WFDC10B: variants seen among roughly 807,000 people sequenced by gnomAD.
The protein encoded by WFDC10B is protein WFDC10B.
WFDC10B carries 1 observed loss-of-function variant against 2.7 expected under a neutral mutation model. The ratio of observed to expected loss-of-function variants is 0.38; its 90% CI spans 0.13 to 1.79. The LOEUF is 1.79. WFDC10B is among the 40% of genes most tolerant of loss of function. The probability of loss-of-function intolerance (pLI) is 0.33; values close to 1 mark genes in which losing one functional copy is unlikely to be tolerated. For missense variants in WFDC10B, 71 were observed against 87.8 expected (o/e 0.81, Z 0.76); for synonymous variants, 26 against 32.2 (o/e 0.81, Z 0.65).
chr20:45,698,792 C>A (rs1222090530), intron 2 of WFDC10B, among the ~76,000 whole-genome samples: 1 of 151,834 alleles, frequency 6.6e-6, no homozygotes, highest in East Asian at 1.9e-4. Context: ...CATGGTGAAA[C>A]CCTGTCTCTA....
At chr20:45,688,576 A>C in intron 2 of WFDC10B, among the ~76,000 whole-genome samples, 1 of 151,994 alleles carries the variant, frequency 6.6e-6, no homozygotes, top group Non-Finnish European at 1.5e-5. Context: ...TTTGATTTGC[A>C]TTTCTCTGAT....
rs774335880 is a variant in WFDC10B at position 45,684,953 on chromosome 20, C to T, written c.99G>A (p.Lys33=). 1.2e-6 allele frequency: 2 copies of T among 1,613,782 alleles called. No homozygotes were observed. Among genetic ancestry groups the T allele is most frequent in the East Asian group, 2.2e-5 (1 of 44,856 alleles). The change falls in exon 4 of 4, where the codon AAG becomes AAA. Residue 33 remains lysine (K), a synonymous_variant. Coordinates refer to ENST00000330523, the MANE Select transcript of WFDC10B (RefSeq NM_172006.2). ...CTATGCTGGGTCGCTTCTCACAGACCTTGATTCCTGAAATGATGCAGGAGC... is the reference window on the plus strand; with the variant it reads ...CTATGCTGGGTCGCTTCTCACAGACTTTGATTCCTGAAATGATGCAGGAGC... The part of the protein sequence containing the change: ...YRDKMRMQRI[K]VCEKRPSIDL...
chr20:45,686,125 G>A, intron 2 of WFDC10B, 69 bp from the exon 3 acceptor site: 1 of 1,475,868 alleles, frequency 6.8e-7, no homozygotes, highest in Admixed American at 2.2e-5. Context: ...GGACAAGTCA[G>A]GGCAGAGCAA....
intron 2 of WFDC10B, among the ~76,000 whole-genome samples, chr20:45,691,883 T>C (rs1285107912): frequency 1.3e-5 from 2 of 152,178 alleles, no homozygotes; most frequent in African/African-American, 4.8e-5. Flanking sequence ...GTCATTATGA[T>C]GTTAGCTGGT....
Position 45,704,543 on chromosome 20 carries a change from C to T in WFDC10B, c.-111G>A. On this transcript the variant is annotated 5_prime_UTR_variant, in exon 2 of 4. Coordinates refer to ENST00000330523, the MANE Select transcript of WFDC10B (RefSeq NM_172006.2). Reference sequence around the variant, plus strand: ...TGCGAGAAAGGATTTCAGTGCTGTTCCTCCTTCTGTGGGATAGTCTGTTCA... The same window carrying T: ...TGCGAGAAAGGATTTCAGTGCTGTTTCTCCTTCTGTGGGATAGTCTGTTCA... The T allele has an allele frequency of 1.9e-6, 3 of 1,614,182 alleles. No homozygotes were observed. The highest frequency in any genetic ancestry group is 1.7e-5 in the Admixed American group (1 of 60,024).
chr20:45,693,922 G>A lies in WFDC10B; in HGVS notation c.-64-7866C>T, dbSNP rs186410817. Reference sequence around the variant, plus strand: ...GCAGAAATCACCCGTCCTCTTCATCGCTCACGCTAGGAGCTGTAGAACGGA... The same window carrying A: ...GCAGAAATCACCCGTCCTCTTCATCACTCACGCTAGGAGCTGTAGAACGGA... On this transcript the variant is annotated intron_variant, in intron 2 of 3. Transcript: ENST00000330523. Among the ~76,000 whole-genome samples, 49 of 152,258 alleles carry A rather than the reference G, an allele frequency of 3.2e-4. 2 individuals are homozygous for A. The East Asian group carries it at 4.5e-3, about 14-fold the overall frequency.
At chr20:45,698,108 T>G (rs1311275966) in intron 2 of WFDC10B, among the ~76,000 whole-genome samples, 1 of 152,196 alleles carries the variant, frequency 6.6e-6, no homozygotes, top group Non-Finnish European at 1.5e-5. Context: ...TGCCTTTTCA[T>G]TGTTGTACTT....
At chr20:45,693,819 C>T (rs969436525) in intron 2 of WFDC10B, among the ~76,000 whole-genome samples, 8 of 152,240 alleles carry the variant, frequency 5.3e-5, no homozygotes, top group South Asian at 4.1e-4. Flanking sequence ...GGCTTGCGCA[C>T]GGTGCGCTGC....
intron 2 of WFDC10B, 46 bp downstream of exon 2, chr20:45,704,451 C>T: frequency 6.2e-7 from 1 of 1,613,352 alleles, no homozygotes; most frequent in Non-Finnish European, 8.5e-7. Context: ...CAGAGTATAT[C>T]TTGGAACCTC....
intron 2 of WFDC10B, among the ~76,000 whole-genome samples, chr20:45,688,954 T>C (rs1384822202): frequency 2.0e-5 from 3 of 151,960 alleles, no homozygotes; most frequent in Non-Finnish European, 2.9e-5. Flanking sequence ...GGTTTTCTTC[T>C]AGGGTTTTTA....
chr20:45,686,024 G>A lies in WFDC10B; in HGVS notation c.-32C>T, dbSNP rs752053239. The A allele has an allele frequency of 6.2e-7, 1 of 1,609,450 alleles. No individual in the cohort carries two copies. Among genetic ancestry groups the A allele is most frequent in the Non-Finnish European group, 8.5e-7 (1 of 1,177,762 alleles). On this transcript the variant is annotated 5_prime_UTR_variant, in exon 3 of 4. Coordinates refer to ENST00000330523, the MANE Select transcript of WFDC10B (RefSeq NM_172006.2). ...GACCAGAGCGTGAGCCCTAAGTCTG[G>A]CCAGGCAGTCACAGACTTCCCTGCA...
chr20:45,691,269 T>C (rs1023700343), intron 2 of WFDC10B, among the ~76,000 whole-genome samples: 4 of 152,180 alleles, frequency 2.6e-5, no homozygotes, highest in African/African-American at 7.2e-5. Flanking sequence ...TGTGGTCAAT[T>C]TTGGAATAGG....
rs77291501 is a variant in WFDC10B, at chr20:45,696,475, T to G, written c.-65+8022A>C. Among the ~76,000 whole-genome samples the G allele has an allele frequency of 5.5e-3, 835 of 152,022 alleles. 5 individuals are homozygous for G. Among genetic ancestry groups the G allele is most frequent in the African/African-American group, 0.019 (801 of 41,458 alleles). ...TCAACAAGACCAAAGCTTGGTTTTT[T>G]TAAAAGATCAATAAAATTGAAAATC... On this transcript the variant is annotated intron_variant, in intron 2 of 3. Coordinates refer to ENST00000330523, the MANE Select transcript of WFDC10B (RefSeq NM_172006.2).
intron 2 of WFDC10B, among the ~76,000 whole-genome samples, chr20:45,701,625 G>A (rs1231738171): frequency 6.6e-6 from 1 of 151,930 alleles, no homozygotes; most frequent in African/African-American, 2.4e-5. Flanking sequence ...AGCTGGACAT[G>A]GTGGTACACG....
chr20:45,697,989 C>T (rs1984031987), intron 2 of WFDC10B, among the ~76,000 whole-genome samples: 1 of 151,990 alleles, frequency 6.6e-6, no homozygotes, highest in Non-Finnish European at 1.5e-5. Flanking sequence ...GGTGATCCAC[C>T]CGCCTCGGCC....
In WFDC10B at chr20:45,704,931, C is replaced by G; in HGVS notation, c.-143G>C. The G allele has an allele frequency of 6.2e-7, 1 of 1,614,108 alleles. No individual in the cohort carries two copies. The highest frequency in any genetic ancestry group is 8.5e-7 in the Non-Finnish European group (1 of 1,180,006). On this transcript the variant is annotated 5_prime_UTR_variant, in exon 1 of 4. Coordinates refer to ENST00000330523, the MANE Select transcript of WFDC10B (RefSeq NM_172006.2). ...GGGACACTGTACCTGCAGGTGTAAC[C>G]AAAATCCCAAAGCAAAATTTGTCCT... is the stretch of plus-strand genomic sequence containing the variant.
At chr20:45,685,836 C>G in intron 3 of WFDC10B, 66 bp downstream of exon 3, 1 of 1,592,754 alleles carries the variant, frequency 6.3e-7, no homozygotes. Context: ...CCTACTCAGA[C>G]TGGACACAGC....
chr20:45,690,055 T>C (rs1983757490), intron 2 of WFDC10B, among the ~76,000 whole-genome samples: 1 of 152,148 alleles, frequency 6.6e-6, no homozygotes, highest in Non-Finnish European at 1.5e-5. Flanking sequence ...GCATGAAGGT[T>C]GTTGAATTTT....
At chr20:45,689,741 G>C (rs1411311072) in intron 2 of WFDC10B, among the ~76,000 whole-genome samples, 1 of 152,148 alleles carries the variant, frequency 6.6e-6, no homozygotes, top group South Asian at 2.1e-4. Context: ...GAGATTTTGG[G>C]CTGAGACAAT....
Sources: allele counts gnomAD v4.1 joint callset (sites outside exome capture counted in the v4.1 genomes callset), GRCh38; gene constraint gnomAD v4.1.1; transcripts MANE v1.5; gene names NCBI Gene and HGNC (gene_info 2026-07-23, HGNC 2026-07-21).